ZMYM6: variants seen among roughly 807,000 people sequenced by gnomAD.
ZMYM6 encodes the protein zinc finger MYM-type containing 6.
A neutral mutation model predicts 134.0 loss-of-function variants in ZMYM6; 90 were observed. The observed-to-expected ratio is 0.67, with a 90% CI of 0.57 to 0.80. The LOEUF is 0.80. Ranked by LOEUF, ZMYM6 falls within the 30% of genes least tolerant of loss-of-function variation. ZMYM6 has a pLI of 0.00. For synonymous variants in ZMYM6, 481 were observed against 524.1 expected, an observed-to-expected ratio of 0.92 and a Z score of 1.12; for missense variants, 1,362 against 1,533.9, an observed-to-expected ratio of 0.89 and a Z score of 1.87.
In ZMYM6 at chr1:35,016,076, C is replaced by T. The variant is rs148063000; in HGVS notation, c.429-914G>A. Among the ~76,000 whole-genome samples the T allele has an allele frequency of 5.3e-5, 8 of 150,938 alleles. No homozygotes were observed. In the East Asian group the frequency reaches 9.9e-4, roughly 19 times the overall value. ...GATCCTCCTGTCTCAGCCTCCGGTT[C>T]GAGTAGCTGGGACACCAGCACGTGC... On this transcript the variant is annotated intron_variant, in intron 4 of 15. Transcript: ENST00000357182.
rs902875224 is a variant in ZMYM6, at chr1:35,018,978, A to G, written c.428+375T>C. On this transcript the variant is annotated intron_variant, in intron 4 of 15. Coordinates refer to ENST00000357182, the MANE Select transcript of ZMYM6 (RefSeq NM_007167.4). ...AGAGTTTTTACTTTTTAAAGAATTA[A>G]ATAGCTTTTGTATACTATTAAAAGA... The G allele has an allele frequency of 2.5e-5, 7 of 280,566 alleles. No homozygotes were observed. The Admixed American group carries it at 3.3e-4, about 13-fold the overall frequency. 17.4% of individuals were successfully genotyped at this position (280,566 alleles called of 1,614,324 possible).
rs981993861 is a variant in ZMYM6 at position 34,987,942 on chromosome 1, G to A, written c.3140C>T (p.Ser1047Leu). 8.4e-6 allele frequency: 13 copies of A among 1,551,492 alleles called. No homozygotes were observed. In the Admixed American group the frequency reaches 1.2e-4, roughly 14 times the overall value. Residue 1047 changes from serine (S) to leucine (L), a missense_variant, in exon 16 of 16, where the codon TCA (serine) becomes TTA (leucine). Physicochemically the swap from Ser to Leu is moderately radical, Grantham distance 145. This residue lies in a region of ZMYM6 where 824 missense variants were observed against 940.9 expected (regional missense o/e 0.88). Transcript: ENST00000357182. Reference protein sequence around the residue: ...LSFIKSNALNSRMLTILCEEM... With the variant: ...LSFIKSNALNLRMLTILCEEM... The stretch of plus-strand genomic sequence containing the variant: ...TTCACACAAAATTGTTAACATACGT[G>A]AATTTAATGCATTGCTCTTTATAAA...
intron 10 of ZMYM6, 93 bp downstream of exon 10, chr1:35,010,354 A>C (rs1280674481): frequency 1.4e-6 from 2 of 1,480,588 alleles, no homozygotes; most frequent in East Asian, 4.6e-5. Context: ...TTGTAAGACA[A>C]AAAGAATGTG....
chr1:35,030,822 T>TAA (rs1641508218), intron 1 of ZMYM6, 109 bp from the exon 2 acceptor site: 4 of 577,776 alleles, frequency 6.9e-6, no homozygotes, highest in Non-Finnish European at 1.2e-5. Flanking sequence ...GAAAAACAAC[T>TAA]CTTCTGGGGC....
chr1:34,993,729 G>C (rs1342909189), intron 14 of ZMYM6, among the ~76,000 whole-genome samples: 1 of 151,902 alleles, frequency 6.6e-6, no homozygotes, highest in Non-Finnish European at 1.5e-5. Flanking sequence ...TGTCACCCAG[G>C]CTGGAATGCA....
intron 11 of ZMYM6, among the ~76,000 whole-genome samples, chr1:35,007,644 T>A (rs927579551): frequency 6.6e-6 from 1 of 151,604 alleles, no homozygotes; most frequent in African/African-American, 2.4e-5. Flanking sequence ...AGGGAATCTA[T>A]CTAAAGATAG....
chr1:35,025,282 C>T (rs924924936), intron 2 of ZMYM6, among the ~76,000 whole-genome samples: 5 of 151,088 alleles, frequency 3.3e-5, no homozygotes, highest in Admixed American at 6.6e-5. Flanking sequence ...AGCCGGCCAA[C>T]ATGGTGAAAC....
chr1:35,012,108 C>CA (rs1182501626), intron 7 of ZMYM6, 103 bp from the exon 8 acceptor site: 2 of 718,666 alleles, frequency 2.8e-6, no homozygotes, highest in Non-Finnish European at 4.2e-6. Context: ...AATAATATAC[C>CA]AAAAAAATCA....
At chr1:35,012,205 G>T (rs1557576759) in intron 7 of ZMYM6, among the ~76,000 whole-genome samples, 200 bp from the exon 8 acceptor site, 2 of 152,084 alleles carry the variant, frequency 1.3e-5, no homozygotes, top group African/African-American at 4.8e-5. Flanking sequence ...AATTTTAAGT[G>T]TTTTTTCTTT....
intron 14 of ZMYM6, among the ~76,000 whole-genome samples, chr1:34,994,931 T>A (rs1285927955): frequency 6.8e-6 from 1 of 147,360 alleles, no homozygotes; most frequent in Non-Finnish European, 1.5e-5. Context: ...TATAGACATA[T>A]ATATATATAT....
intron 14 of ZMYM6, among the ~76,000 whole-genome samples, chr1:34,993,738 C>T (rs1466396957): frequency 6.6e-6 from 1 of 151,732 alleles, no homozygotes; most frequent in African/African-American, 2.4e-5. Context: ...GGCTGGAATG[C>T]AGTGGCATGA....
chr1:35,010,322 C>T, intron 10 of ZMYM6, 125 bp downstream of exon 10: 1 of 1,317,906 alleles, frequency 7.6e-7, no homozygotes, highest in South Asian at 1.5e-5. Context: ...TGCCCGGCCT[C>T]CAAAATACTT....
chr1:34,995,056 ATATATATGTAATATATATACTTACATACG>A (rs1169820609), intron 14 of ZMYM6, among the ~76,000 whole-genome samples: 7 of 128,748 alleles, frequency 5.4e-5, no homozygotes, highest in South Asian at 2.5e-4. Context: ...TTACATACGT[ATATATATGTAATATATATACTTACATACG>A]TATATATGTA....
rs1412072651 is a variant in ZMYM6, at chr1:35,019,369, A to G, written c.412T>C (p.Cys138Arg). Residue 138 changes from cysteine (C) to arginine (R), a missense_variant, in exon 4 of 16, where the codon TGC (cysteine) becomes CGC (arginine). By Grantham distance (180) the Cys-to-Arg change is radical (BLOSUM62 -3). Transcript: ENST00000357182. The part of the protein sequence containing the change: ...ACLPPPPKKT[C>R]TNCSKDILNP... ...ATTTTATACTTCGAGCAGTTTGTGC[A>G]GGTTTTCTTGGGAGGAGGTGGCAGG... The G allele has an allele frequency of 2.1e-5, 34 of 1,614,214 alleles. No homozygotes were observed. The highest frequency in any genetic ancestry group is 2.7e-5 in the Non-Finnish European group (32 of 1,180,042).
chr1:35,001,633 T>C (rs1251770767), intron 14 of ZMYM6, among the ~76,000 whole-genome samples: 1 of 152,154 alleles, frequency 6.6e-6, no homozygotes, highest in Admixed American at 6.5e-5. Flanking sequence ...AATTGTGTGG[T>C]TAATAATGTA....
chr1:35,020,802 A>G (rs1641295996), intron 2 of ZMYM6, among the ~76,000 whole-genome samples: 1 of 151,860 alleles, frequency 6.6e-6, no homozygotes, highest in Non-Finnish European at 1.5e-5. Context: ...CGAACTCCTG[A>G]CCTTGTGATC....
At position 35,023,121 on chromosome 1, in the gene ZMYM6, CTTT is replaced by C. The variant is rs1479909759; in HGVS notation, c.94-2657_94-2655del. Among the ~76,000 whole-genome samples, 6 of 147,554 alleles carry C rather than the reference CTTT, an allele frequency of 4.1e-5. No individual in the cohort carries two copies. The East Asian group carries it at 1.2e-3, about 29-fold the overall frequency. On this transcript the variant is annotated intron_variant, in intron 2 of 15. Coordinates refer to ENST00000357182, the MANE Select transcript of ZMYM6 (RefSeq NM_007167.4). ...CAAAATGCTAGTTCTTTTTTTTTTT[CTTT>C]TGAGATGGAGTTTCGCTCTTGTTGC...
intron 14 of ZMYM6, among the ~76,000 whole-genome samples, chr1:34,998,984 A>G (rs1640834130): frequency 6.6e-6 from 1 of 152,132 alleles, no homozygotes; most frequent in Non-Finnish European, 1.5e-5. Context: ...TTAGCCAGAC[A>G]TAGTGGCATG....
Position 35,028,419 on chromosome 1 carries a change from A to G in ZMYM6, c.93+2128T>C, listed in dbSNP as rs1029731339. ...TTGCTTTGCTGATACAATAAAGTCA[A>G]TAACTTTGAGTGTAAAGCGAAAGAA... On this transcript the variant is annotated intron_variant, in intron 2 of 15. Transcript: ENST00000357182. Among the ~76,000 whole-genome samples, 12 of 152,202 alleles carry G rather than the reference A, an allele frequency of 7.9e-5. No individual in the cohort carries two copies. The East Asian group carries it at 1.2e-3, about 15-fold the overall frequency.
Sources: allele counts gnomAD v4.1 joint callset (sites outside exome capture counted in the v4.1 genomes callset), GRCh38; gene constraint gnomAD v4.1.1; regional missense constraint gnomAD v4.1.1; transcripts MANE v1.5; gene names NCBI Gene and HGNC (gene_info 2026-07-23, HGNC 2026-07-21).